The following FSTL4 variants were observed in gnomAD, a reference collection of about 807,000 sequenced individuals.
FSTL4 encodes the protein follistatin like 4.
A neutral mutation model predicts 78.2 loss-of-function variants in FSTL4; 28 were observed. That is an observed-to-expected ratio of 0.36 (90% CI 0.27 to 0.49). The LOEUF is 0.49. Ranked by LOEUF, FSTL4 falls within the 20% of genes least tolerant of loss-of-function variation. The pLI is 0.98. For missense variants in FSTL4, 922 were observed against 1,084.9 expected, an observed-to-expected ratio of 0.85 and a Z score of 2.11; for synonymous variants, 422 against 440.5, an observed-to-expected ratio of 0.96 and a Z score of 0.53.
chr5:133,444,617 T>A (rs146743962), intron 3 of FSTL4, among the ~76,000 whole-genome samples: 1 of 152,346 alleles, frequency 6.6e-6, no homozygotes, highest in East Asian at 1.9e-4. Context: ...CTTGAGCTGC[T>A]GGGCCCTGGC....
the FSTL4 span, among the ~76,000 whole-genome samples, chr5:133,643,305 T>C: frequency 6.6e-6 from 1 of 152,214 alleles, no homozygotes; most frequent in African/African-American, 2.4e-5. Flanking sequence ...CCTTGAATTA[T>C]TTGAAATTTT....
intron 4 of FSTL4, among the ~76,000 whole-genome samples, chr5:133,358,944 T>G (rs752727612): frequency 1.3e-5 from 2 of 152,136 alleles, no homozygotes; most frequent in Admixed American, 6.5e-5. Context: ...AAAAAGGAAA[T>G]AAGTCTCCGA....
rs70974086 is a variant in FSTL4 at position 133,517,479 on chromosome 5, C to CCACACACACACA, written c.160+49695_160+49706dup. ...ATATATATATGCACACACACACACA[C>CCACACACACACA]CACACACACACACACACACACACAC... On this transcript the variant is annotated intron_variant, in intron 3 of 15. Transcript: ENST00000265342. Among the ~76,000 whole-genome samples, 92 of 55,546 alleles carry CCACACACACACA rather than the reference C, an allele frequency of 1.7e-3. 1 individual carries two copies. Among genetic ancestry groups the CCACACACACACA allele is most frequent in the East Asian group, 2.3e-3 (3 of 1,286 alleles). 36.4% of individuals were successfully genotyped at this position (55,546 alleles called of 152,430 possible).
chr5:133,841,583 C>A, the FSTL4 span, among the ~76,000 whole-genome samples: 1 of 152,328 alleles, frequency 6.6e-6, no homozygotes, highest in African/African-American at 2.4e-5. Context: ...TCCTTACAAC[C>A]ACTCCCCACT....
the FSTL4 span, among the ~76,000 whole-genome samples, chr5:133,811,932 T>C: frequency 2.0e-5 from 3 of 152,192 alleles, no homozygotes; most frequent in African/African-American, 7.2e-5. Context: ...AAGCTTTAGC[T>C]CAACATGTCT....
chr5:133,368,479 C>A (rs143706861), intron 4 of FSTL4, among the ~76,000 whole-genome samples: 1 of 152,222 alleles, frequency 6.6e-6, no homozygotes, highest in Non-Finnish European at 1.5e-5. Flanking sequence ...CTGTAATAAA[C>A]CATAACCATG....
the FSTL4 span, among the ~76,000 whole-genome samples, chr5:133,832,289 G>T: frequency 6.6e-6 from 1 of 152,172 alleles, no homozygotes; most frequent in East Asian, 1.9e-4. Flanking sequence ...GAGCTCAGAC[G>T]ATTTACAGTA....
chr5:133,596,100 A>C (rs1013363033), intron 2 of FSTL4, among the ~76,000 whole-genome samples: 5 of 152,222 alleles, frequency 3.3e-5, no homozygotes, highest in African/African-American at 1.2e-4. Context: ...GGAGGACAGC[A>C]GCCATTTCTC....
intron 7 of FSTL4, chr5:133,248,319 T>G (rs1752106414): frequency 6.6e-6 from 1 of 152,386 alleles, no homozygotes; most frequent in East Asian, 1.9e-4. Context: ...ATTCATCCCA[T>G]GGGTCTTTCT....
At chr5:133,741,074 G>A in the FSTL4 span, among the ~76,000 whole-genome samples, 4 of 152,046 alleles carry the variant, frequency 2.6e-5, no homozygotes, top group East Asian at 7.7e-4. Flanking sequence ...GGGTAACCAG[G>A]CAAAAAAGAG....
the FSTL4 span, among the ~76,000 whole-genome samples, chr5:133,814,751 G>A: frequency 6.6e-6 from 1 of 152,236 alleles, no homozygotes; most frequent in Non-Finnish European, 1.5e-5. Flanking sequence ...GCCACCGTCA[G>A]TGTCATTTTG....
At chr5:133,653,365 G>C in the FSTL4 span, among the ~76,000 whole-genome samples, 1 of 152,092 alleles carries the variant, frequency 6.6e-6, no homozygotes, top group African/African-American at 2.4e-5. Flanking sequence ...AACCCACAAG[G>C]CACCCCAGCC....
chr5:133,463,864 G>T (rs1020392702), intron 3 of FSTL4, among the ~76,000 whole-genome samples: 3 of 152,224 alleles, frequency 2.0e-5, no homozygotes, highest in Non-Finnish European at 2.9e-5. Context: ...TGGAGAATAG[G>T]AAGGACCAGC....
chr5:133,706,031 C>A, the FSTL4 span, among the ~76,000 whole-genome samples: 1 of 152,200 alleles, frequency 6.6e-6, no homozygotes, highest in Admixed American at 6.5e-5. Context: ...TGCATCCCTG[C>A]AAATGCTCCC....
At chr5:133,379,755 G>GA (rs1311986967) in intron 4 of FSTL4, among the ~76,000 whole-genome samples, 1 of 152,168 alleles carries the variant, frequency 6.6e-6, no homozygotes, top group East Asian at 1.9e-4. Context: ...TGCTTAGAGA[G>GA]AAACTTGTAG....
intron 3 of FSTL4, among the ~76,000 whole-genome samples, chr5:133,563,699 C>T (rs1445398382): frequency 1.3e-5 from 2 of 152,216 alleles, no homozygotes; most frequent in Middle Eastern, 3.2e-3. Context: ...GCAAAAGGCA[C>T]TGCATGGAAT....
intron 6 of FSTL4, among the ~76,000 whole-genome samples, chr5:133,263,082 G>A (rs534074478): frequency 6.6e-6 from 1 of 152,298 alleles, no homozygotes; most frequent in African/African-American, 2.4e-5. Flanking sequence ...GAGATTGAGG[G>A]AAAGGGAGGA....
chr5:133,725,092 G>A, the FSTL4 span, among the ~76,000 whole-genome samples: 1,045 of 152,276 alleles, frequency 6.9e-3, 7 homozygotes, highest in Non-Finnish European at 0.011. Context: ...TTATGCCAAT[G>A]CCATGCCATC....
the FSTL4 span, among the ~76,000 whole-genome samples, chr5:133,841,362 T>C: frequency 6.6e-6 from 1 of 152,196 alleles, no homozygotes; most frequent in Non-Finnish European, 1.5e-5. Flanking sequence ...GCACCTACTA[T>C]TTGCCATGCA....
Sources: allele counts gnomAD v4.1 joint callset (sites outside exome capture counted in the v4.1 genomes callset), GRCh38; gene constraint gnomAD v4.1.1; transcripts MANE v1.5; gene names NCBI Gene and HGNC (gene_info 2026-07-23, HGNC 2026-07-21).